Variants in DIAPH3 observed in about 807,000 individuals in gnomAD.
The protein encoded by DIAPH3 is protein diaphanous homolog 3.
In DIAPH3, 117 loss-of-function variants were observed where a neutral mutation model predicts 144.3. The ratio of observed to expected loss-of-function variants is 0.81; its 90% CI spans 0.70 to 0.95. The LOEUF (loss-of-function observed/expected upper bound fraction) is 0.95, where lower values mean the gene tolerates loss of function less well. DIAPH3 is among the 40% of genes least tolerant of loss of function. The pLI is 0.00. For missense variants in DIAPH3, 1,421 were observed against 1,412.7 expected (o/e 1.01, Z -0.09); for synonymous variants, 519 against 488.9 (o/e 1.06, Z -0.81).
intron 27 of DIAPH3, among the ~76,000 whole-genome samples, chr13:59,682,471 G>A (rs564551225): frequency 6.6e-6 from 1 of 152,236 alleles, no homozygotes; most frequent in South Asian, 2.1e-4. Flanking sequence ...ACAGGTGTGA[G>A]CCTCCATGCC....
chr13:59,917,631 C>T (rs538068247), intron 18 of DIAPH3, among the ~76,000 whole-genome samples: 12 of 152,036 alleles, frequency 7.9e-5, no homozygotes, highest in Admixed American at 1.3e-4. Flanking sequence ...TGGCTCACGC[C>T]TGTAATCCCA....
At chr13:60,086,567 C>T (rs1385038656) in intron 4 of DIAPH3, among the ~76,000 whole-genome samples, 1 of 149,290 alleles carries the variant, frequency 6.7e-6, no homozygotes, top group Non-Finnish European at 1.5e-5. Flanking sequence ...GTTATAGGGG[C>T]ATTTTTATCA....
intron 9 of DIAPH3, among the ~76,000 whole-genome samples, chr13:60,006,664 G>T (rs73212296): frequency 6.6e-6 from 1 of 152,130 alleles, no homozygotes; most frequent in Non-Finnish European, 1.5e-5. Context: ...GAGCAGGGAA[G>T]GGGGAGCTCA....
At chr13:59,715,479 A>T (rs1415480016) in intron 27 of DIAPH3, among the ~76,000 whole-genome samples, 2 of 152,164 alleles carry the variant, frequency 1.3e-5, no homozygotes, top group Non-Finnish European at 2.9e-5. Flanking sequence ...GCAAGCCTCT[A>T]TTTCTTCCAT....
In DIAPH3 at chr13:59,697,508, A is replaced by T. The variant is rs2033883487; in HGVS notation, c.3320-30662T>A. Among the ~76,000 whole-genome samples, 3 of 146,682 alleles carry T rather than the reference A, an allele frequency of 2.0e-5. No homozygotes were observed. In the South Asian group the frequency reaches 6.6e-4, roughly 32 times the overall value. On this transcript the variant is annotated intron_variant, in intron 27 of 27. Coordinates refer to ENST00000400324, the MANE Select transcript of DIAPH3 (RefSeq NM_001042517.2). ...AAAAAAAAAAAGAAGAGGGGATTCA[A>T]CTCATATACCAATATCTGTGATTAT...
intron 27 of DIAPH3, among the ~76,000 whole-genome samples, chr13:59,702,459 T>A (rs889909067): frequency 6.6e-6 from 1 of 152,230 alleles, no homozygotes; most frequent in Non-Finnish European, 1.5e-5. Context: ...TAAAATATTT[T>A]ATGCTGACAG....
At chr13:59,952,057 T>C (rs2049124972) in intron 17 of DIAPH3, among the ~76,000 whole-genome samples, 1 of 152,082 alleles carries the variant, frequency 6.6e-6, no homozygotes, top group African/African-American at 2.4e-5. Flanking sequence ...AAAACTACAA[T>C]GGAATATTAT....
chr13:59,850,633 C>T (rs1452153280), intron 22 of DIAPH3, among the ~76,000 whole-genome samples: 28 of 151,588 alleles, frequency 1.8e-4, no homozygotes, highest in Non-Finnish European at 3.1e-4. Context: ...TATTGATTTG[C>T]GTATATTGAA....
At chr13:59,957,807 T>G (rs2049495946) in intron 17 of DIAPH3, among the ~76,000 whole-genome samples, 1 of 152,156 alleles carries the variant, frequency 6.6e-6, no homozygotes, top group Non-Finnish European at 1.5e-5. Flanking sequence ...CTCTAAAGAC[T>G]AATACCCCTC....
In DIAPH3 at chr13:59,749,244, G is replaced by A. The variant is rs1423955251; in HGVS notation, c.3319+24945C>T. Among the ~76,000 whole-genome samples, 54 of 145,088 alleles carry A rather than the reference G, an allele frequency of 3.7e-4. 1 individual carries two copies. The highest frequency in any genetic ancestry group is 8.8e-3 in the Middle Eastern group (2 of 228). On this transcript the variant is annotated intron_variant, in intron 27 of 27. Transcript: ENST00000400324. ...AAAAAAAAAAAAAAAAGTACGGCCG[G>A]GTGCAGTGGCTCACGCCTGTAATCC...
At chr13:59,840,802 A>G (rs1309586636) in intron 22 of DIAPH3, among the ~76,000 whole-genome samples, 1 of 123,098 alleles carries the variant, frequency 8.1e-6, no homozygotes, top group East Asian at 2.7e-4. Flanking sequence ...ACACTCATGC[A>G]TATTTTCTCA....
intron 27 of DIAPH3, among the ~76,000 whole-genome samples, chr13:59,730,401 T>C (rs2035838141): frequency 6.6e-6 from 1 of 152,168 alleles, no homozygotes; most frequent in Non-Finnish European, 1.5e-5. Flanking sequence ...AGTGTAGCAT[T>C]TGACTACACA....
intron 13 of DIAPH3, among the ~76,000 whole-genome samples, chr13:59,982,316 C>G (rs893590349): frequency 2.0e-5 from 3 of 151,372 alleles, no homozygotes; most frequent in Non-Finnish European, 3.0e-5. Flanking sequence ...CTAAATGACC[C>G]AGTGGAATAC....
chr13:59,801,250 C>T (rs1278472712), intron 25 of DIAPH3, among the ~76,000 whole-genome samples: 1 of 152,162 alleles, frequency 6.6e-6, no homozygotes, highest in Non-Finnish European at 1.5e-5. Flanking sequence ...ATCTTCTTGA[C>T]TTTGTAACAC....
intron 17 of DIAPH3, among the ~76,000 whole-genome samples, chr13:59,958,568 A>T (rs2049546256): frequency 1.3e-5 from 2 of 152,116 alleles, no homozygotes; most frequent in African/African-American, 4.8e-5. Context: ...TTAGGTTTAT[A>T]GAAAGTATTT....
chr13:60,094,720 A>G lies in DIAPH3; in HGVS notation c.391-988T>C, dbSNP rs2058054625. ...TTTTATAAGGGTGCTACATTCATCA[A>G]ACGCTGTAGTTTATGCCTTTAGCTG... On this transcript the variant is annotated intron_variant, in intron 3 of 27. Transcript: ENST00000400324. Among the ~76,000 whole-genome samples the G allele has an allele frequency of 2.0e-5, 3 of 152,210 alleles. No homozygotes were observed. The South Asian group carries it at 6.2e-4, about 32-fold the overall frequency.
At chr13:59,692,108 G>T (rs2033554952) in intron 27 of DIAPH3, among the ~76,000 whole-genome samples, 1 of 137,996 alleles carries the variant, frequency 7.2e-6, no homozygotes, top group African/African-American at 2.7e-5. Flanking sequence ...TAATTACTTG[G>T]TACAGATTAC....
chr13:60,078,307 C>T lies in DIAPH3; in HGVS notation c.495+15321G>A, dbSNP rs186034816. On this transcript the variant is annotated intron_variant, in intron 4 of 27. Transcript: ENST00000400324. ...CTGAAGTCAAAACAGCAAATTCAAA[C>T]TGAATAGTTAAATGTGACTAAAGAG... Among the ~76,000 whole-genome samples, 283 of 152,144 alleles carry T rather than the reference C, an allele frequency of 1.9e-3. 1 individual carries two copies. Among genetic ancestry groups the T allele is most frequent in the Non-Finnish European group, 3.3e-3 (222 of 67,988 alleles).
intron 27 of DIAPH3, among the ~76,000 whole-genome samples, chr13:59,770,039 C>T (rs1442130078): frequency 1.3e-5 from 2 of 152,082 alleles, no homozygotes; most frequent in African/African-American, 2.4e-5. Context: ...AAGTAGCCCT[C>T]CACTTCTAAG....
Sources: gnomAD v4.1 joint callset for allele counts (sites outside exome capture counted in the v4.1 genomes callset) on GRCh38, gnomAD v4.1.1 for gene constraint, MANE v1.5 for transcripts, NCBI Gene and HGNC (gene_info 2026-07-23, HGNC 2026-07-21) for gene names.